The following SEL1L3 variants were observed in gnomAD, a reference collection of about 807,000 sequenced individuals.
The protein encoded by SEL1L3 is SEL1L family member 3.
A neutral mutation model predicts 142.8 loss-of-function variants in SEL1L3; 76 were observed. The ratio of observed to expected loss-of-function variants is 0.53; its 90% CI spans 0.44 to 0.64. SEL1L3 has a LOEUF of 0.64. Among genes scored for constraint, SEL1L3 ranks in the 30% least tolerant of loss-of-function variants. The pLI is 0.00. For missense variants in SEL1L3, 1,262 were observed against 1,381.7 expected (o/e 0.91, Z 1.37); for synonymous variants, 504 against 519.6 (o/e 0.97, Z 0.41).
chr4:25,782,475 T>G, intron 14 of SEL1L3, 57 bp from the exon 15 acceptor site: 1 of 1,451,016 alleles, frequency 6.9e-7, no homozygotes, highest in Non-Finnish European at 9.5e-7. Flanking sequence ...TAGAGAGCTC[T>G]GGAAGCAATT....
At chr4:25,843,490 T>G (rs1475454197) in intron 2 of SEL1L3, among the ~76,000 whole-genome samples, 2 of 152,106 alleles carry the variant, frequency 1.3e-5, no homozygotes, top group Non-Finnish European at 2.9e-5. Flanking sequence ...GGTCCCCAGG[T>G]CTGGGGCCCA....
intron 1 of SEL1L3, among the ~76,000 whole-genome samples, chr4:25,856,593 TA>T (rs397765802): frequency 0.095 from 11,148 of 117,048 alleles, 929 homozygotes; most frequent in African/African-American, 0.23. Flanking sequence ...GTATTGTAAT[TA>T]AAAAAAAAAA....
the SEL1L3 span, chr4:25,721,198 G>A: frequency 2.7e-5 from 4 of 146,686 alleles, no homozygotes; most frequent in African/African-American, 1.1e-4. Context: ...CTGAACATAA[G>A]GATATAAGCT....
At chr4:25,803,780 TG>T (rs750988416) in intron 10 of SEL1L3, among the ~76,000 whole-genome samples, 10 of 149,910 alleles carry the variant, frequency 6.7e-5, no homozygotes, top group Non-Finnish European at 1.5e-4. Context: ...GTTTTTTATA[TG>T]TTTTTTTTTT....
At chr4:25,786,288 T>C (rs1323467534) in intron 13 of SEL1L3, among the ~76,000 whole-genome samples, 2 of 152,188 alleles carry the variant, frequency 1.3e-5, no homozygotes, top group African/African-American at 4.8e-5. Context: ...TGGGGTTCTT[T>C]CACACAGAAT....
rs1717844049 is a variant in SEL1L3 at position 25,862,971 on chromosome 4, C to T, written c.-135G>A. On this transcript the variant is annotated 5_prime_UTR_variant, in exon 1 of 24. Coordinates refer to ENST00000399878, the MANE Select transcript of SEL1L3 (RefSeq NM_015187.5). ...GGGGCCACCTGCCGCCACCTCCGGA[C>T]CCGCCGCCGCCGCCACTGCCGCTCC... The T allele has an allele frequency of 1.8e-5, 9 of 497,424 alleles. No individual in the cohort carries two copies. The highest frequency in any genetic ancestry group is 2.3e-5 in the Non-Finnish European group (9 of 387,730). 30.8% of individuals were successfully genotyped at this position (497,424 alleles called of 1,614,324 possible).
Position 25,765,396 on chromosome 4 carries a change from T to G in SEL1L3, c.2885A>C (p.Gln962Pro). 1 of 1,613,898 alleles carries G rather than the reference T, an allele frequency of 6.2e-7. No homozygotes were observed. The highest frequency in any genetic ancestry group is 8.5e-7 in the Non-Finnish European group (1 of 1,179,792). ...CAACTCCAGGTCTTGTGACTGGTTT[T>G]GGTGGCCATAGTAGTAAAGGTCTCC... The part of the protein sequence containing the change: ...KMGDLYYYGH[Q>P]NQSQDLELSV... The change falls in exon 20 of 24, where the codon CAA becomes CCA. Residue 962 changes from glutamine (Q) to proline (P), a missense_variant. Around this residue, in one of 3 missense-constraint regions of SEL1L3, gnomAD observed 435 missense variants for 559.2 expected, o/e 0.78. Transcript: ENST00000399878.
chr4:25,735,201 A>G, the SEL1L3 span, among the ~76,000 whole-genome samples: 4 of 152,046 alleles, frequency 2.6e-5, no homozygotes, highest in Non-Finnish European at 5.9e-5. Flanking sequence ...TAGTCAAGCT[A>G]TCTATTCTTT....
chr4:25,863,346 C>CT (rs1157221865), upstream of SEL1L3: 2 of 627,562 alleles, frequency 3.2e-6, no homozygotes, highest in African/African-American at 3.8e-5. Flanking sequence ...CAAACCCCCT[C>CT]TCTTTTTCAC....
At chr4:25,767,881 T>A (rs1577573978) in intron 17 of SEL1L3, 51 bp from the exon 18 acceptor site, 2 of 1,139,242 alleles carry the variant, frequency 1.8e-6, no homozygotes, top group East Asian at 5.1e-5. Context: ...CTTACTAATA[T>A]TCACAGAGAG....
chr4:25,801,101 C>T (rs1435313335), intron 11 of SEL1L3, among the ~76,000 whole-genome samples: 2 of 152,218 alleles, frequency 1.3e-5, no homozygotes, highest in African/African-American at 4.8e-5. Context: ...TAAGCAGGGG[C>T]AAATCAAGTT....
rs772259444 is a variant in SEL1L3, at chr4:25,819,828, C to T, written c.1403G>A (p.Gly468Glu). 9 of 1,612,352 alleles carry T rather than the reference C, an allele frequency of 5.6e-6. No homozygotes were observed. The highest frequency in any genetic ancestry group is 1.7e-4 in the Middle Eastern group (1 of 6,058). The change falls in exon 8 of 24, where the codon GGG becomes GAG. Residue 468 changes from glycine (G) to glutamate (E), a missense_variant. Coordinates refer to ENST00000399878, the MANE Select transcript of SEL1L3 (RefSeq NM_015187.5). ...VSVYASAAKH[G>E]GERQEACHLH... ...CTTACATGCTTCTTGTCTCTCGCCC[C>T]CGTGCTTTGCTGCAGATGCATACAC...
At chr4:25,741,978 T>A in the SEL1L3 span, among the ~76,000 whole-genome samples, 36 of 151,606 alleles carry the variant, frequency 2.4e-4, no homozygotes, top group South Asian at 4.2e-4. Context: ...CCGGCTAATT[T>A]TTTTTGTAGT....
chr4:25,756,097 G>A, intron 23 of SEL1L3: 3 of 985,400 alleles, frequency 3.0e-6, no homozygotes, highest in Non-Finnish European at 2.4e-6. Flanking sequence ...AAGAGACGCT[G>A]ACGTGCACCC....
intron 19 of SEL1L3, 64 bp from the exon 20 acceptor site, chr4:25,765,499 A>G (rs1253702074): frequency 3.8e-6 from 4 of 1,061,740 alleles, no homozygotes; most frequent in Non-Finnish European, 5.9e-6. Flanking sequence ...ATTTTAAATT[A>G]TTGGCGCATT....
intron 3 of SEL1L3, among the ~76,000 whole-genome samples, chr4:25,834,785 T>C (rs1394157629): frequency 6.6e-6 from 1 of 152,114 alleles, no homozygotes; most frequent in African/African-American, 2.4e-5. Context: ...AAAAAATACA[T>C]ATATCTGGGT....
At chr4:25,728,074 C>T in the SEL1L3 span, among the ~76,000 whole-genome samples, 1 of 152,132 alleles carries the variant, frequency 6.6e-6, no homozygotes, top group South Asian at 2.1e-4. Flanking sequence ...TACAGGGTGC[C>T]AGCCATCTTT....
intron 11 of SEL1L3, among the ~76,000 whole-genome samples, chr4:25,795,479 C>T (rs1256885363): frequency 6.6e-6 from 1 of 152,044 alleles, no homozygotes; most frequent in Non-Finnish European, 1.5e-5. Flanking sequence ...TGTGTTGGGG[C>T]CAGAAACAAT....
chr4:25,788,081 A>G lies in SEL1L3; in HGVS notation c.2217+143T>C. ...GCTTCTGACTCTGCCTTTTTAGCCAACATTCTTTTCCATCAAGAGTGACAG... is the reference window on the plus strand; with the variant it reads ...GCTTCTGACTCTGCCTTTTTAGCCAGCATTCTTTTCCATCAAGAGTGACAG... On this transcript the variant is annotated intron_variant, in intron 13 of 23. Transcript: ENST00000399878. This position sits in a 1 kb window ranked among gnomAD's most constrained non-coding sequence, Gnocchi z 5.3. 7.5e-6 allele frequency: 6 copies of G among 800,652 alleles called. No individual in the cohort carries two copies. The highest frequency in any genetic ancestry group is 1.2e-5 in the Non-Finnish European group (6 of 494,866). The allele number at this position is 800,652 out of a possible 1,614,324, so 49.6% of individuals were successfully genotyped here. A position where few individuals can be genotyped will look rare whatever the true frequency, so the allele number is the denominator to read the frequency against.
Sources: allele counts gnomAD v4.1 joint callset (sites outside exome capture counted in the v4.1 genomes callset), GRCh38; gene constraint gnomAD v4.1.1; regional missense constraint gnomAD v4.1.1; non-coding constraint Gnocchi (gnomAD v3.1); transcripts MANE v1.5; gene names NCBI Gene and HGNC (gene_info 2026-07-23, HGNC 2026-07-21).